The following NIPAL2 variants were observed in gnomAD, a reference collection of about 807,000 sequenced individuals.
NIPAL2 encodes the protein NIPA-like protein 2.
A neutral mutation model predicts 48.9 loss-of-function variants in NIPAL2; 43 were observed. The ratio of observed to expected loss-of-function variants is 0.88; its 90% CI spans 0.69 to 1.13. The LOEUF (loss-of-function observed/expected upper bound fraction) is 1.13. Among genes scored for constraint, NIPAL2 ranks in the 50% most tolerant of loss-of-function variants. The pLI, the probability that NIPAL2 is intolerant of heterozygous loss-of-function variation, is 0.00. For missense variants in NIPAL2, 446 were observed against 461.4 expected, an observed-to-expected ratio of 0.97 and a Z score of 0.31; for synonymous variants, 167 against 174.6, an observed-to-expected ratio of 0.96 and a Z score of 0.34.
chr8:98,199,551 C>T (rs1308836046), intron 8 of NIPAL2, among the ~76,000 whole-genome samples: 1 of 152,190 alleles, frequency 6.6e-6, no homozygotes, highest in East Asian at 1.9e-4. Context: ...AGCATCAGAA[C>T]ACATACATTT....
chr8:98,236,340 A>G (rs919053796), intron 3 of NIPAL2, 126 bp from the exon 4 acceptor site: 14 of 589,422 alleles, frequency 2.4e-5, no homozygotes, highest in Non-Finnish European at 3.6e-5. Flanking sequence ...AGAGACATTC[A>G]GCAGTTGTGG....
intron 1 of NIPAL2, among the ~76,000 whole-genome samples, chr8:98,282,214 G>T (rs988733016): frequency 6.6e-6 from 1 of 152,282 alleles, no homozygotes; most frequent in South Asian, 2.1e-4. Flanking sequence ...AGCAAACAAG[G>T]GGCCCTGCAG....
chr8:98,242,741 C>T (rs963162238), intron 3 of NIPAL2, among the ~76,000 whole-genome samples: 7 of 152,050 alleles, frequency 4.6e-5, no homozygotes, highest in African/African-American at 1.4e-4. Context: ...GCCTTGGCCT[C>T]GCAAAGTGCT....
At chr8:98,214,682 G>GC (rs1811488650) in intron 5 of NIPAL2, among the ~76,000 whole-genome samples, 1 of 152,018 alleles carries the variant, frequency 6.6e-6, no homozygotes, top group Admixed American at 6.5e-5. Context: ...TTGTGGGTTT[G>GC]TTTTTTTCTC....
chr8:98,244,057 A>T (rs1399828081), intron 3 of NIPAL2, among the ~76,000 whole-genome samples: 1 of 152,152 alleles, frequency 6.6e-6, no homozygotes, highest in Non-Finnish European at 1.5e-5. Flanking sequence ...ACCCAAAGCT[A>T]AGACAATCAA....
At chr8:98,275,670 C>G (rs891727339) in intron 1 of NIPAL2, among the ~76,000 whole-genome samples, 1 of 152,146 alleles carries the variant, frequency 6.6e-6, no homozygotes, top group African/African-American at 2.4e-5. Context: ...TTGAAAGGAA[C>G]TGCCAAACTA....
intron 3 of NIPAL2, chr8:98,251,680 T>C (rs1563524485): frequency 6.6e-6 from 1 of 152,234 alleles, no homozygotes; most frequent in East Asian, 1.9e-4. Flanking sequence ...CATATAGTTG[T>C]TTAGGAGGAA....
intron 4 of NIPAL2, among the ~76,000 whole-genome samples, chr8:98,228,306 A>G (rs967994987): frequency 2.0e-5 from 3 of 152,194 alleles, no homozygotes; most frequent in Non-Finnish European, 2.9e-5. Flanking sequence ...CTATTCAGCC[A>G]TCTTGCTCCA....
intron 2 of NIPAL2, among the ~76,000 whole-genome samples, chr8:98,253,264 C>G (rs185498055): frequency 6.6e-6 from 1 of 152,128 alleles, no homozygotes; most frequent in East Asian, 1.9e-4. Context: ...TATTAGCTCT[C>G]GTTTCAGACA....
At chr8:98,243,543 G>A (rs1813110626) in intron 3 of NIPAL2, among the ~76,000 whole-genome samples, 1 of 152,126 alleles carries the variant, frequency 6.6e-6, no homozygotes, top group African/African-American at 2.4e-5. Context: ...TTCAGTTTAT[G>A]AGACTCGGTC....
chr8:98,254,799 C>T (rs955759092), intron 1 of NIPAL2, among the ~76,000 whole-genome samples: 11 of 152,218 alleles, frequency 7.2e-5, no homozygotes, highest in Admixed American at 2.0e-4. Context: ...ATGTGGCACG[C>T]GCCATCCTCT....
chr8:98,196,450 C>T (rs1171609607), intron 8 of NIPAL2, among the ~76,000 whole-genome samples: 1 of 152,228 alleles, frequency 6.6e-6, no homozygotes, highest in Non-Finnish European at 1.5e-5. Context: ...CATGCTGTCA[C>T]TCGTGGAGAT....
At chr8:98,260,420 C>T (rs530175444) in intron 1 of NIPAL2, among the ~76,000 whole-genome samples, 222 of 152,258 alleles carry the variant, frequency 1.5e-3, no homozygotes, top group African/African-American at 5.0e-3. Flanking sequence ...AGTGGGTGCG[C>T]GCACCGTGTG....
rs113558646 is a variant in NIPAL2 at position 98,195,896 on chromosome 8, A to G, written c.944+46T>C. On this transcript the variant is annotated intron_variant, in intron 9 of 10. Coordinates refer to ENST00000430223, the MANE Select transcript of NIPAL2 (RefSeq NM_001321635.2). ...GGTACAATGCCGAAAATCCTACGTA[A>G]AAGTAATAGAATTTCACATGCTTTA... The G allele has an allele frequency of 5.2e-4, 704 of 1,366,810 alleles. 7 individuals are homozygous for G. In the African/African-American group the frequency reaches 8.7e-3, roughly 17 times the overall value. 84.7% of individuals were successfully genotyped at this position (1,366,810 alleles called of 1,614,324 possible). A position where few individuals can be genotyped will look rare whatever the true frequency, so the allele number is the denominator to read the frequency against.
intron 1 of NIPAL2, among the ~76,000 whole-genome samples, chr8:98,288,186 T>A (rs1265510802): frequency 7.1e-6 from 1 of 141,708 alleles, no homozygotes; most frequent in African/African-American, 2.6e-5. Flanking sequence ...GCTATCCTTC[T>A]CCCCTCCCCC....
chr8:98,273,473 A>C (rs1205200962), intron 1 of NIPAL2, among the ~76,000 whole-genome samples: 3 of 152,124 alleles, frequency 2.0e-5, no homozygotes, highest in African/African-American at 7.2e-5. Flanking sequence ...GATATACTAA[A>C]AACCGAAAGA....
chr8:98,226,552 G>T (rs77837572), intron 4 of NIPAL2, among the ~76,000 whole-genome samples: 4,376 of 152,136 alleles, frequency 0.029, 226 homozygotes, highest in African/African-American at 0.099. Flanking sequence ...AGAGACTCTT[G>T]TTCTCTTCTC....
At chr8:98,266,300 GAA>G (rs140250169) in intron 1 of NIPAL2, among the ~76,000 whole-genome samples, 8 of 145,978 alleles carry the variant, frequency 5.5e-5, no homozygotes, top group African/African-American at 1.5e-4. Context: ...AAAAGAAAAT[GAA>G]AAAAAAAAGT....
chr8:98,281,926 A>G (rs542155388), intron 1 of NIPAL2, among the ~76,000 whole-genome samples: 6 of 152,378 alleles, frequency 3.9e-5, no homozygotes, highest in African/African-American at 1.4e-4. Flanking sequence ...TCAAAGAGTC[A>G]GGAGGATACC....
Sources: allele counts gnomAD v4.1 joint callset (sites outside exome capture counted in the v4.1 genomes callset), GRCh38; gene constraint gnomAD v4.1.1; transcripts MANE v1.5; gene names NCBI Gene and HGNC (gene_info 2026-07-23, HGNC 2026-07-21).